Variants in MDH1B observed in about 807,000 individuals in gnomAD.
The protein encoded by MDH1B is malate dehydrogenase 1B.
In MDH1B, 60 loss-of-function variants were observed where a neutral mutation model predicts 61.4. The observed-to-expected ratio is 0.98, with a 90% CI of 0.79 to 1.21. The LOEUF is 1.21. Among genes scored for constraint, MDH1B ranks in the 50% most tolerant of loss-of-function variants. The pLI is 0.00. For missense variants in MDH1B, 587 were observed against 632.1 expected (o/e 0.93, Z 0.76); for synonymous variants, 236 against 218.7 (o/e 1.08, Z -0.70).
At chr2:206,754,893 A>G in intron 5 of MDH1B, 116 bp downstream of exon 5, 1 of 1,195,122 alleles carries the variant, frequency 8.4e-7, no homozygotes, top group Non-Finnish European at 1.2e-6. Context: ...TGTCTGTTTT[A>G]TACTTCCTAT....
chr2:206,755,769 A>AT (rs1232458562), intron 4 of MDH1B, among the ~76,000 whole-genome samples: 1 of 152,230 alleles, frequency 6.6e-6, no homozygotes. Flanking sequence ...AGAAAACAGA[A>AT]TTCCCCCTAT....
chr2:206,745,305 C>A, intron 9 of MDH1B: 1 of 494,086 alleles, frequency 2.0e-6, no homozygotes, highest in Non-Finnish European at 3.9e-6. Context: ...GTCTCCTGAG[C>A]TGTGAACAAG....
chr2:206,750,790 CT>C, intron 6 of MDH1B, 143 bp downstream of exon 6: 1 of 621,310 alleles, frequency 1.6e-6, no homozygotes. Context: ...TTTTCTGTTT[CT>C]TCAGTAGACA....
At position 206,739,466 on chromosome 2, in the gene MDH1B, T is replaced by C. The variant is rs1302276669; in HGVS notation, c.1528+127A>G. On this transcript the variant is annotated intron_variant, in intron 11 of 11. Coordinates refer to ENST00000374412, the MANE Select transcript of MDH1B (RefSeq NM_001039845.3). ...AGGAGAGTAAGCAACCAAGGCTGGG[T>C]CCCTGGGGAATGTGGGAAGTGGGGA... The C allele has an allele frequency of 2.2e-5, 18 of 821,804 alleles. No individual in the cohort carries two copies. The South Asian group carries it at 3.1e-4, about 14-fold the overall frequency. The allele number at this position is 821,804 out of a possible 1,614,324, so 50.9% of individuals were successfully genotyped here. A position where few individuals can be genotyped will look rare whatever the true frequency, so the allele number is the denominator to read the frequency against.
chr2:206,748,263 C>T lies in MDH1B; in HGVS notation c.1216+757G>A, dbSNP rs540067713. Among the ~76,000 whole-genome samples the T allele has an allele frequency of 1.4e-4, 22 of 152,254 alleles. 2 individuals are homozygous for T. The South Asian group carries it at 4.6e-3, about 32-fold the overall frequency. On this transcript the variant is annotated intron_variant, in intron 7 of 11. Transcript: ENST00000374412. ...GCATAGTGGCATGCGCCTGTGGTCC[C>T]AGCTACTCGGGAGGCTGGGGCAGGA...
intron 5 of MDH1B, among the ~76,000 whole-genome samples, chr2:206,752,392 G>A (rs530857386): frequency 4.3e-4 from 66 of 152,076 alleles, no homozygotes; most frequent in Non-Finnish European, 8.5e-4. Flanking sequence ...ACAGATTTTC[G>A]GTAGCCCACC....
intron 9 of MDH1B, chr2:206,741,315 T>C: frequency 1.5e-6 from 1 of 676,040 alleles, no homozygotes; most frequent in Admixed American, 2.2e-5. Context: ...TTTTTCTAAT[T>C]GTGATGGTTA....
intron 9 of MDH1B, 54 bp from the exon 10 acceptor site, chr2:206,741,158 A>G (rs10173707): frequency 0.2 from 312,810 of 1,603,380 alleles, 42,977 homozygotes; most frequent in East Asian, 0.56. Context: ...CCAACAACCT[A>G]ACTAGGTCAT....
chr2:206,744,785 C>G (rs934916512), intron 9 of MDH1B, among the ~76,000 whole-genome samples: 3 of 151,870 alleles, frequency 2.0e-5, no homozygotes, highest in Admixed American at 1.3e-4. Context: ...ATTAGCCAGG[C>G]ATGGTGGTGT....
At chr2:206,763,241 CTT>C (rs58200375) in intron 1 of MDH1B, among the ~76,000 whole-genome samples, 203 of 141,460 alleles carry the variant, frequency 1.4e-3, no homozygotes, top group African/African-American at 4.2e-3. Context: ...TACTCATCCG[CTT>C]TTTTTTTTTT....
intron 9 of MDH1B, among the ~76,000 whole-genome samples, chr2:206,742,184 G>A (rs542356388): frequency 1.3e-5 from 2 of 152,198 alleles, no homozygotes; most frequent in Non-Finnish European, 2.9e-5. Context: ...CTTATCTCCT[G>A]TAGAGAAAGA....
Position 206,757,011 on chromosome 2 carries a change from C to T in MDH1B, c.300G>A (p.Thr100=), listed in dbSNP as rs1185384501. The change falls in exon 4 of 12, where the codon ACG becomes ACA. Residue 100 remains threonine (T), a synonymous_variant. Transcript: ENST00000374412. ...QLYYDVTSSM[T]TELMMVIAQE... ...GAGCAATTACCATCATCAGTTCAGTCGTCATGCTAGAGGTGACATCATAGT... is the reference window on the plus strand; with the variant it reads ...GAGCAATTACCATCATCAGTTCAGTTGTCATGCTAGAGGTGACATCATAGT... The T allele has an allele frequency of 6.2e-6, 10 of 1,613,536 alleles. No individual in the cohort carries two copies. The highest frequency in any genetic ancestry group is 7.6e-6 in the Non-Finnish European group (9 of 1,179,764).
Position 206,747,087 on chromosome 2 carries a change from C to T in MDH1B, c.1217-661G>A, listed in dbSNP as rs370604291. On this transcript the variant is annotated intron_variant, in intron 7 of 11. Transcript: ENST00000374412. ...AGCACCATTCAGACAAAATTGTCCC[C>T]GTTTCTGGTGCCTCGATCACATAAG... is the stretch of plus-strand genomic sequence containing the variant. Among the ~76,000 whole-genome samples, 24 of 152,028 alleles carry T rather than the reference C, an allele frequency of 1.6e-4. No individual in the cohort carries two copies. The East Asian group carries it at 4.1e-3, about 26-fold the overall frequency.
Position 206,760,776 on chromosome 2 carries a change from T to C in MDH1B, c.135+125A>G, listed in dbSNP as rs1441626228. The C allele has an allele frequency of 3.4e-5, 20 of 579,822 alleles. No individual in the cohort carries two copies. The East Asian group carries it at 5.5e-4, about 16-fold the overall frequency. The allele number at this position is 579,822 out of a possible 1,614,324, so 35.9% of individuals were successfully genotyped here. A position where few individuals can be genotyped will look rare whatever the true frequency, so the allele number is the denominator to read the frequency against. On this transcript the variant is annotated intron_variant, in intron 2 of 11. Coordinates refer to ENST00000374412, the MANE Select transcript of MDH1B (RefSeq NM_001039845.3). Reference sequence around the variant, plus strand: ...TAAGTAGGGACTTGTTTTACTAGTATTCAAATATCACTAGCACATGAACAG... The same window carrying C: ...TAAGTAGGGACTTGTTTTACTAGTACTCAAATATCACTAGCACATGAACAG...
At chr2:206,748,760 T>C (rs1374618700) in intron 7 of MDH1B, among the ~76,000 whole-genome samples, 1 of 152,260 alleles carries the variant, frequency 6.6e-6, no homozygotes, top group Admixed American at 6.5e-5. Flanking sequence ...TTTATGTATC[T>C]GGCTCTTGTT....
At chr2:206,747,516 T>C (rs571767205) in intron 7 of MDH1B, among the ~76,000 whole-genome samples, 1 of 152,032 alleles carries the variant, frequency 6.6e-6, no homozygotes, top group South Asian at 2.1e-4. Flanking sequence ...ATGGCAATGT[T>C]CATGCACCTT....
intron 1 of MDH1B, among the ~76,000 whole-genome samples, chr2:206,761,979 T>G (rs1276362768): frequency 6.6e-6 from 1 of 152,182 alleles, no homozygotes; most frequent in Non-Finnish European, 1.5e-5. Context: ...TAAAAGCCCC[T>G]TATCCTGGAT....
chr2:206,747,585 G>A (rs1688188705), intron 7 of MDH1B, among the ~76,000 whole-genome samples: 1 of 152,168 alleles, frequency 6.6e-6, no homozygotes. Flanking sequence ...CTCCTGTGAA[G>A]AAGCAAAGAG....
At chr2:206,742,711 A>ATTTTTTTTTTTTTTTTTTTTTTTT (rs59584383) in intron 9 of MDH1B, among the ~76,000 whole-genome samples, 1 of 97,214 alleles carries the variant, frequency 1.0e-5, no homozygotes, top group Non-Finnish European at 2.0e-5. Flanking sequence ...TGATGTCTCT[A>ATTTTTTTTTTTTTTTTTTTTTTTT]TTTTTTTTTT....
Sources: allele counts gnomAD v4.1 joint callset (sites outside exome capture counted in the v4.1 genomes callset), GRCh38; gene constraint gnomAD v4.1.1; transcripts MANE v1.5; gene names NCBI Gene and HGNC (gene_info 2026-07-23, HGNC 2026-07-21).